The following CD53 variants were observed in gnomAD, a reference collection of about 807,000 sequenced individuals.
CD53 encodes CD53 molecule, also known as leukocyte surface antigen CD53.
Under a neutral mutation model 27.3 loss-of-function variants are expected in CD53, and 20 were observed. The ratio of observed to expected loss-of-function variants is 0.73; its 90% CI spans 0.52 to 1.07. The LOEUF (loss-of-function observed/expected upper bound fraction) is 1.07. Among genes scored for constraint, CD53 ranks in the 50% least tolerant of loss-of-function variants. CD53 has a pLI of 0.00. For missense variants in CD53, 216 were observed against 264.0 expected (o/e 0.82, Z 1.26); for synonymous variants, 106 against 105.3 (o/e 1.01, Z -0.04).
intron 3 of CD53, chr1:110,892,790 T>C (rs1557819822): frequency 2.4e-6 from 1 of 409,882 alleles, no homozygotes. Flanking sequence ...GTCATTATTG[T>C]AATTCCCCTT....
chr1:110,876,983 T>C (rs1656153409), intron 1 of CD53, among the ~76,000 whole-genome samples: 1 of 152,178 alleles, frequency 6.6e-6, no homozygotes, highest in South Asian at 2.1e-4. Context: ...TGCATTCTCT[T>C]ATATAACTAC....
chr1:110,890,790 T>C (rs553395072), intron 1 of CD53, among the ~76,000 whole-genome samples: 80 of 152,218 alleles, frequency 5.3e-4, no homozygotes, highest in Non-Finnish European at 8.8e-4. Context: ...GCTGTAAGAC[T>C]GTTGTCTTCT....
intron 2 of CD53, among the ~76,000 whole-genome samples, chr1:110,892,039 C>T (rs930566143): frequency 1.2e-4 from 19 of 152,082 alleles, no homozygotes; most frequent in African/African-American, 4.1e-4. Flanking sequence ...CATGTGTGAG[C>T]GACTGAAAAG....
chr1:110,891,741 T>C (rs1252217586), intron 2 of CD53, among the ~76,000 whole-genome samples: 1 of 152,218 alleles, frequency 6.6e-6, no homozygotes, highest in African/African-American at 2.4e-5. Flanking sequence ...AGCTAACATA[T>C]ATAGGTGAGA....
intron 6 of CD53, among the ~76,000 whole-genome samples, chr1:110,897,382 A>G (rs558814354): frequency 4.5e-4 from 68 of 152,370 alleles, no homozygotes; most frequent in Middle Eastern, 3.4e-3. Flanking sequence ...ACAACCACTG[A>G]CCAGCAACTG....
intron 1 of CD53, among the ~76,000 whole-genome samples, chr1:110,876,270 T>C (rs575677995): frequency 1.2e-4 from 19 of 152,342 alleles, no homozygotes; most frequent in Non-Finnish European, 2.5e-4. Context: ...TGATTCTCTA[T>C]GGCATGCTCT....
intron 3 of CD53, 117 bp from the exon 4 acceptor site, chr1:110,894,210 G>A (rs1170244695): frequency 3.8e-6 from 3 of 798,850 alleles, no homozygotes; most frequent in East Asian, 2.5e-5. Context: ...ACGGCCTGAG[G>A]AGGCAGAACA....
intron 1 of CD53, among the ~76,000 whole-genome samples, chr1:110,879,532 A>G (rs866296674): frequency 1.2e-4 from 19 of 152,282 alleles, no homozygotes; most frequent in African/African-American, 3.4e-4. Flanking sequence ...CACAGTGCAC[A>G]TTAGCATATA....
intron 1 of CD53, among the ~76,000 whole-genome samples, chr1:110,874,740 A>G (rs1656061349): frequency 6.6e-6 from 1 of 152,194 alleles, no homozygotes; most frequent in Non-Finnish European, 1.5e-5. Flanking sequence ...CTTCACAGCT[A>G]TGGTTACCAC....
chr1:110,878,398 A>T (rs1656211178), intron 1 of CD53, among the ~76,000 whole-genome samples: 1 of 152,182 alleles, frequency 6.6e-6, no homozygotes, highest in African/African-American at 2.4e-5. Context: ...TACCTTGCGA[A>T]TGCTCTTGTA....
intron 1 of CD53, 25 bp from the exon 2 acceptor site, chr1:110,891,363 AACTT>A: frequency 7.0e-7 from 1 of 1,432,118 alleles, no homozygotes; most frequent in Non-Finnish European, 9.8e-7. Flanking sequence ...AGAGTGAGGT[AACTT>A]ACTTTCTTCT....
chr1:110,875,893 A>G (rs1656114078), intron 1 of CD53, among the ~76,000 whole-genome samples: 1 of 152,216 alleles, frequency 6.6e-6, no homozygotes, highest in Non-Finnish European at 1.5e-5. Context: ...AAGGCCAGGA[A>G]TCTCTATACT....
intron 7 of CD53, among the ~76,000 whole-genome samples, chr1:110,898,757 G>A (rs1360951045): frequency 6.6e-6 from 1 of 152,116 alleles, no homozygotes; most frequent in Non-Finnish European, 1.5e-5. Context: ...AGGAAGCTCA[G>A]AGAAAATGAT....
chr1:110,894,553 G>GA (rs1570911456), intron 4 of CD53, 152 bp downstream of exon 4: 3 of 601,452 alleles, frequency 5.0e-6, no homozygotes, highest in Non-Finnish European at 5.8e-6. Context: ...GTAATTGGGG[G>GA]GAAAATTTGT....
chr1:110,876,683 G>A (rs551486992), intron 1 of CD53, among the ~76,000 whole-genome samples: 1 of 152,046 alleles, frequency 6.6e-6, no homozygotes, highest in Middle Eastern at 3.8e-3. Flanking sequence ...AATAACTATT[G>A]TAGAATCTCA....
At chr1:110,894,920 CT>C (rs746377510) in intron 4 of CD53, 39 bp from the exon 5 acceptor site, 29 of 1,505,800 alleles carry the variant, frequency 1.9e-5, no homozygotes, top group Non-Finnish European at 2.4e-5. Flanking sequence ...AACTCACCTG[CT>C]TTTTACCATG....
At chr1:110,887,657 GT>G (rs1403530632) in intron 1 of CD53, among the ~76,000 whole-genome samples, 1 of 152,168 alleles carries the variant, frequency 6.6e-6, no homozygotes, top group Non-Finnish European at 1.5e-5. Context: ...AGAGCTATCT[GT>G]TCCCTATTAC....
chr1:110,883,332 A>C (rs1420814732), intron 1 of CD53, among the ~76,000 whole-genome samples: 1 of 151,948 alleles, frequency 6.6e-6, no homozygotes, highest in African/African-American at 2.4e-5. Flanking sequence ...TTTCTCTTTC[A>C]ATTCATTAAT....
intron 1 of CD53, among the ~76,000 whole-genome samples, chr1:110,884,289 T>G (rs942819231): frequency 6.6e-6 from 1 of 152,172 alleles, no homozygotes; most frequent in East Asian, 1.9e-4. Flanking sequence ...AATATGCTAT[T>G]TAGTTTCCCA....
Sources: allele counts gnomAD v4.1 joint callset (sites outside exome capture counted in the v4.1 genomes callset), GRCh38; gene constraint gnomAD v4.1.1; transcripts MANE v1.5; gene names NCBI Gene and HGNC (gene_info 2026-07-23, HGNC 2026-07-21).